The following SYT6 variants were observed in gnomAD, a reference collection of about 807,000 sequenced individuals.
The protein encoded by SYT6 is synaptotagmin-6.
Under a neutral mutation model 38.4 loss-of-function variants are expected in SYT6, and 24 were observed. The observed-to-expected ratio is 0.62, with a 90% confidence interval of 0.45 to 0.88. The LOEUF is 0.88. SYT6 is among the 40% of genes least tolerant of loss of function. The probability of loss-of-function intolerance (pLI) is 0.00; values close to 1 mark genes in which losing one functional copy is unlikely to be tolerated. For synonymous variants in SYT6, 265 were observed against 241.9 expected (o/e 1.10, Z -0.89); for missense variants, 611 against 621.0 (o/e 0.98, Z 0.17).
At chr1:114,109,084 TG>T (rs2101005445) in intron 3 of SYT6, among the ~76,000 whole-genome samples, 1 of 152,276 alleles carries the variant, frequency 6.6e-6, no homozygotes, top group African/African-American at 2.4e-5. Context: ...ATTGTAGGCC[TG>T]GGGCTCTGTG....
intron 3 of SYT6, among the ~76,000 whole-genome samples, chr1:114,113,379 T>C (rs906971635): frequency 1.3e-5 from 2 of 152,156 alleles, no homozygotes; most frequent in Admixed American, 6.5e-5. Context: ...ATAATGTTAA[T>C]ATCCATCTCC....
At chr1:114,105,949 C>A (rs1245711506) in intron 3 of SYT6, among the ~76,000 whole-genome samples, 3 of 152,124 alleles carry the variant, frequency 2.0e-5, no homozygotes, top group African/African-American at 7.2e-5. Context: ...GTATGCAGTC[C>A]CCACCCTCGA....
chr1:114,109,637 T>C (rs1676551639), intron 3 of SYT6, among the ~76,000 whole-genome samples: 1 of 152,212 alleles, frequency 6.6e-6, no homozygotes, highest in South Asian at 2.1e-4. Flanking sequence ...TTAGTAAGTA[T>C]TGGCAACTAT....
intron 3 of SYT6, among the ~76,000 whole-genome samples, chr1:114,116,895 G>A (rs777496330): frequency 2.0e-5 from 3 of 152,160 alleles, no homozygotes; most frequent in Non-Finnish European, 2.9e-5. Flanking sequence ...TTCTAAGACT[G>A]TATCAGTTTT....
In SYT6 at chr1:114,139,664, G is replaced by A. The variant is rs144510124; in HGVS notation, c.463C>T (p.Arg155Cys). 3,447 of 1,613,970 alleles carry A rather than the reference G, an allele frequency of 2.1e-3. 52 individuals are homozygous for A. The highest frequency in any genetic ancestry group is 0.021 in the South Asian group (1,901 of 91,070). Reference sequence around the variant, plus strand: ...GTTTGCCGCTGCAGCCGGGTGTGACGCATGATGTGCTCCTTGACCGACATC... The same window carrying A: ...GTTTGCCGCTGCAGCCGGGTGTGACACATGATGTGCTCCTTGACCGACATC... ...VQMSVKEHIM[R>C]HTRLQRQTTE... Residue 155 changes from arginine (R) to cysteine (C), a missense_variant, in exon 2 of 8, where the codon CGT (arginine) becomes TGT (cysteine). By Grantham distance (180) the Arg-to-Cys change is radical (BLOSUM62 -3). Coordinates refer to ENST00000610222, the MANE Select transcript of SYT6 (RefSeq NM_001253772.2).
At position 114,137,536 on chromosome 1, in the gene SYT6, G is replaced by T. The variant is rs745356607; in HGVS notation, c.1030C>A (p.Arg344=). The change falls in exon 3 of 8, where the codon CGG becomes AGG. Residue 344 remains arginine (R), a synonymous_variant. Transcript: ENST00000610222. Reference sequence around the variant, plus strand: ...ATATCCTTCCAGATGGAGGTTTCCCGAGACAGGTCAGAGGCCTCAAAGAGG... The same window carrying T: ...ATATCCTTCCAGATGGAGGTTTCCCTAGACAGGTCAGAGGCCTCAAAGAGG... The part of the protein sequence containing the change: ...DNLFEASDLS[R]ETSIWKDIQY... 3.7e-6 allele frequency: 6 copies of T among 1,613,962 alleles called. No homozygotes were observed. The African/African-American group carries it at 6.7e-5, about 18-fold the overall frequency.
At chr1:114,144,938 C>A (rs969030049) in intron 1 of SYT6, among the ~76,000 whole-genome samples, 2 of 152,008 alleles carry the variant, frequency 1.3e-5, no homozygotes, top group Non-Finnish European at 2.9e-5. Flanking sequence ...ACCACCACCC[C>A]CTTCCCAAGC....
At chr1:114,117,291 T>C (rs1205981291) in intron 3 of SYT6, among the ~76,000 whole-genome samples, 3 of 152,232 alleles carry the variant, frequency 2.0e-5, no homozygotes, top group African/African-American at 7.2e-5. Flanking sequence ...CACGGCCAGC[T>C]GCTAGTAGGA....
At chr1:114,142,633 T>C (rs1678925108) in intron 1 of SYT6, among the ~76,000 whole-genome samples, 1 of 152,182 alleles carries the variant, frequency 6.6e-6, no homozygotes, top group South Asian at 2.1e-4. Flanking sequence ...CAGCGGTGCA[T>C]GCTACAGAGA....
rs370807848 is a variant in SYT6, at chr1:114,103,606, T to A, written c.1187A>T (p.Tyr396Phe). ...ACTTGGGTTAAGAGAGGTACCTGAA[T>A]AGCCTGTGATGTCCATCGCCTTGAG... ...RNLKAMDITG[Y>F]SDPYVKVSLL... Residue 396 changes from tyrosine to phenylalanine, a missense_variant, in exon 4 of 8, where the codon TAT becomes TTT. Transcript: ENST00000610222. The A allele has an allele frequency of 8.1e-6, 13 of 1,614,054 alleles. No homozygotes were observed. In the African/African-American group the frequency reaches 1.7e-4, roughly 22 times the overall value.
intron 4 of SYT6, 89 bp downstream of exon 4, chr1:114,103,512 T>A (rs1468304438): frequency 7.7e-6 from 12 of 1,551,366 alleles, no homozygotes; most frequent in Admixed American, 7.2e-5. Flanking sequence ...ATTCTAAGAA[T>A]GCTGACAATT....
rs1004947967 is a variant in SYT6, at chr1:114,090,627, G to T, written c.*1507C>A. On this transcript the variant is annotated 3_prime_UTR_variant, in exon 8 of 8. Coordinates refer to ENST00000610222, the MANE Select transcript of SYT6 (RefSeq NM_001253772.2). ...TGATTTTCCACTGTTAAAAGAAGGG[G>T]TTCTTCAGCAGACTTGCCTCTTGCA... 1 of 152,326 alleles carries T rather than the reference G, an allele frequency of 6.6e-6. No homozygotes were observed. The highest frequency in any genetic ancestry group is 2.4e-5 in the African/African-American group (1 of 41,440). The allele number at this position is 152,326 out of a possible 1,614,324, so 9.4% of individuals were successfully genotyped here. A position where few individuals can be genotyped will look rare whatever the true frequency, so the allele number is the denominator to read the frequency against.
intron 4 of SYT6, among the ~76,000 whole-genome samples, chr1:114,103,014 T>G (rs981212551): frequency 6.6e-5 from 10 of 152,202 alleles, no homozygotes; most frequent in African/African-American, 2.4e-4. Context: ...AGACTATATT[T>G]CTATGTTCCT....
intron 3 of SYT6, among the ~76,000 whole-genome samples, chr1:114,129,645 T>TTCTTTCTTTC (rs1678016215): frequency 7.4e-6 from 1 of 135,670 alleles, no homozygotes; most frequent in African/African-American, 2.6e-5. Flanking sequence ...TTCTTTCTCT[T>TTCTTTCTTTC]TCTTTCTTTT....
intron 3 of SYT6, among the ~76,000 whole-genome samples, chr1:114,127,287 G>A (rs937963217): frequency 6.6e-6 from 1 of 152,350 alleles, no homozygotes; most frequent in Middle Eastern, 3.4e-3. Flanking sequence ...CTGCTCAGCT[G>A]TGGGAGTGTG....
intron 7 of SYT6, among the ~76,000 whole-genome samples, chr1:114,092,639 C>A (rs1472178212): frequency 6.6e-6 from 1 of 152,026 alleles, no homozygotes; most frequent in South Asian, 2.1e-4. Context: ...GTGAGCAGAC[C>A]CTTCTGGGCT....
intron 3 of SYT6, among the ~76,000 whole-genome samples, chr1:114,125,259 G>GT (rs1170344873): frequency 6.6e-6 from 1 of 152,242 alleles, no homozygotes; most frequent in Admixed American, 6.5e-5. Context: ...AATTATTGGT[G>GT]TTTTTCAGGC....
chr1:114,096,623 A>G (rs1378438920), intron 6 of SYT6, among the ~76,000 whole-genome samples: 1 of 152,164 alleles, frequency 6.6e-6, no homozygotes, highest in Non-Finnish European at 1.5e-5. Flanking sequence ...GTCCTCCATG[A>G]GAGGGCAGGG....
At position 114,098,406 on chromosome 1, in the gene SYT6, G is replaced by C. The variant is rs115604273; in HGVS notation, c.1365-529C>G. Among the ~76,000 whole-genome samples the C allele has an allele frequency of 4.6e-3, 697 of 152,332 alleles. 1 individual carries two copies. The highest frequency in any genetic ancestry group is 0.02 in the Middle Eastern group (6 of 294). On this transcript the variant is annotated intron_variant, in intron 5 of 7. Transcript: ENST00000610222. Reference sequence around the variant, plus strand: ...ATGGTTTCTTTCTCCTTTAGCTAAAGTGACAAGTGGAGAGAAGAAGTTATG... The same window carrying C: ...ATGGTTTCTTTCTCCTTTAGCTAAACTGACAAGTGGAGAGAAGAAGTTATG...
Sources: gnomAD v4.1 joint callset for allele counts (sites outside exome capture counted in the v4.1 genomes callset) on GRCh38, gnomAD v4.1.1 for gene constraint, MANE v1.5 for transcripts, NCBI Gene and HGNC (gene_info 2026-07-23, HGNC 2026-07-21) for gene names.